Variants in STK31 observed in about 807,000 individuals in gnomAD.
STK31 encodes the protein serine/threonine-protein kinase 31.
Under a neutral mutation model 129.7 loss-of-function variants are expected in STK31, and 89 were observed. The ratio of observed to expected loss-of-function variants is 0.69; its 90% confidence interval spans 0.58 to 0.82. The LOEUF is 0.82. Among genes scored for constraint, STK31 ranks in the 40% least tolerant of loss-of-function variants. The probability of loss-of-function intolerance (pLI) is 0.00; values close to 1 mark genes in which losing one functional copy is unlikely to be tolerated. For synonymous variants in STK31, 448 were observed against 395.3 expected (o/e 1.13, Z -1.58); for missense variants, 1,187 against 1,176.4 (o/e 1.01, Z -0.13).
At chr7:23,771,647 C>CATTAACATTA (rs1790202646) in intron 14 of STK31, 3 of 152,976 alleles carry the variant, frequency 2.0e-5, no homozygotes, top group Middle Eastern at 3.4e-3. Context: ...ATTAACCTTT[C>CATTAACATTA]ATGTGTGTTG....
At chr7:23,738,576 T>C (rs927347477) in intron 8 of STK31, among the ~76,000 whole-genome samples, 1 of 152,062 alleles carries the variant, frequency 6.6e-6, no homozygotes, top group Non-Finnish European at 1.5e-5. Context: ...CTTTTCTTTT[T>C]TTTTTTAAAC....
At chr7:23,807,437 T>C (rs1292623186) in intron 22 of STK31, among the ~76,000 whole-genome samples, 1 of 152,202 alleles carries the variant, frequency 6.6e-6, no homozygotes, top group African/African-American at 2.4e-5. Context: ...ATTTCCTTTA[T>C]AGGTAATATT....
At position 23,735,823 on chromosome 7, in the gene STK31, G is replaced by C; in HGVS notation, c.769G>C (p.Gly257Arg). Residue 257 changes from glycine to arginine, a missense_variant, in exon 7 of 24, where the codon GGG becomes CGG. Gly to Arg is a moderately radical substitution (Grantham distance 125). Coordinates refer to ENST00000355870, the MANE Select transcript of STK31 (RefSeq NM_031414.5). ...CCAGTCAACCTTCAGCAGGCCCAAG[G>C]GGCACTTAAGTGAGAAAATGACTCT... Reference protein sequence around the residue: ...SNQSTFSRPKGHLSEKMTLDL... With the variant: ...SNQSTFSRPKRHLSEKMTLDL... 1.2e-6 allele frequency: 2 copies of C among 1,611,920 alleles called. No individual in the cohort carries two copies. Among genetic ancestry groups the C allele is most frequent in the South Asian group, 1.1e-5 (1 of 90,760 alleles).
chr7:23,749,083 A>G (rs1233258366), intron 8 of STK31, among the ~76,000 whole-genome samples: 1 of 152,204 alleles, frequency 6.6e-6, no homozygotes, highest in Non-Finnish European at 1.5e-5. Context: ...GATTTCCGTT[A>G]CAGTGTTTTG....
At chr7:23,787,527 A>T (rs1791356407) in intron 20 of STK31, among the ~76,000 whole-genome samples, 1 of 152,092 alleles carries the variant, frequency 6.6e-6, no homozygotes, top group Admixed American at 6.6e-5. Flanking sequence ...CCTGAGCTCC[A>T]CTTCCTGTAA....
chr7:23,730,166 A>G (rs1375860744), intron 6 of STK31, among the ~76,000 whole-genome samples: 1 of 152,228 alleles, frequency 6.6e-6, no homozygotes, highest in Non-Finnish European at 1.5e-5. Flanking sequence ...TCTTTTGGTA[A>G]ATGGTAATGC....
In STK31 at chr7:23,769,561, C is replaced by T; in HGVS notation, c.1597-79C>T. 3.1e-6 allele frequency: 3 copies of T among 983,042 alleles called. 1 individual carries two copies. The highest frequency in any genetic ancestry group is 3.1e-5 in the South Asian group (2 of 64,560). The allele number at this position is 983,042 out of a possible 1,614,324, so 60.9% of individuals were successfully genotyped here. A position where few individuals can be genotyped will look rare whatever the true frequency, so the allele number is the denominator to read the frequency against. ...ACATTGCCCAGGGTATAGCTTAATA[C>T]TCTGCTTCAGGTATTAAGGCACGAT... On this transcript the variant is annotated intron_variant, in intron 12 of 23. Transcript: ENST00000355870.
chr7:23,758,961 T>C (rs190327929), intron 10 of STK31, among the ~76,000 whole-genome samples: 3 of 151,990 alleles, frequency 2.0e-5, no homozygotes, highest in East Asian at 3.9e-4. Context: ...ACCAAACAAA[T>C]AGAAAGCAAA....
In STK31 at chr7:23,734,824, G is replaced by A. The variant is rs184593377; in HGVS notation, c.484-714G>A. Among the ~76,000 whole-genome samples, 105 of 152,246 alleles carry A rather than the reference G, an allele frequency of 6.9e-4. 2 individuals carry two copies. In the East Asian group the frequency reaches 8.9e-3, roughly 13 times the overall value. On this transcript the variant is annotated intron_variant, in intron 6 of 23. Transcript: ENST00000355870. ...TACTAAAAATAGAAAAATTAGGCAG[G>A]TGTGGTGGTGTGTGCCAGTAGTCCC...
At chr7:23,721,194 T>TC (rs1397320572) in intron 4 of STK31, 2 of 317,684 alleles carry the variant, frequency 6.3e-6, no homozygotes, top group Non-Finnish European at 1.2e-5. Flanking sequence ...TTTGCTTTTT[T>TC]CCACTATAAT....
At chr7:23,758,694 C>T (rs896717343) in intron 10 of STK31, among the ~76,000 whole-genome samples, 1 of 152,128 alleles carries the variant, frequency 6.6e-6, no homozygotes, top group African/African-American at 2.4e-5. Context: ...GGTTTCAAAG[C>T]ACTTCTTGAT....
intron 22 of STK31, among the ~76,000 whole-genome samples, chr7:23,797,047 G>A (rs558851433): frequency 3.3e-5 from 5 of 152,202 alleles, no homozygotes; most frequent in South Asian, 4.1e-4. Context: ...AGGGATCAAC[G>A]CAACAAGAAG....
chr7:23,737,833 C>T (rs1020686280), intron 8 of STK31, among the ~76,000 whole-genome samples: 3 of 151,194 alleles, frequency 2.0e-5, no homozygotes, highest in East Asian at 1.9e-4. Context: ...AGAAATTTTC[C>T]CCCCCAGGGA....
intron 11 of STK31, among the ~76,000 whole-genome samples, chr7:23,768,404 ATTG>A (rs1215622648): frequency 6.6e-6 from 1 of 152,190 alleles, no homozygotes; most frequent in Non-Finnish European, 1.5e-5. Flanking sequence ...GTGATGCATG[ATTG>A]TCCATATATA....
At chr7:23,810,105 A>G (rs957665900) in intron 22 of STK31, among the ~76,000 whole-genome samples, 3 of 152,032 alleles carry the variant, frequency 2.0e-5, no homozygotes, top group Non-Finnish European at 4.4e-5. Context: ...CATATTTAGG[A>G]TTGTTATGTC....
chr7:23,774,589 AG>A (rs1178876622), intron 15 of STK31, among the ~76,000 whole-genome samples: 3 of 152,192 alleles, frequency 2.0e-5, no homozygotes, highest in Non-Finnish European at 2.9e-5. Flanking sequence ...TCTTTTGAGA[AG>A]TGTCTGTTCA....
intron 22 of STK31, among the ~76,000 whole-genome samples, chr7:23,793,842 A>G (rs1420089649): frequency 6.6e-6 from 1 of 152,240 alleles, no homozygotes; most frequent in African/African-American, 2.4e-5. Context: ...AAGGTTGAAC[A>G]TATTCCTACC....
chr7:23,769,371 G>A (rs780535997), intron 12 of STK31, among the ~76,000 whole-genome samples, 197 bp downstream of exon 12: 3 of 150,166 alleles, frequency 2.0e-5, no homozygotes, highest in Non-Finnish European at 3.0e-5. Flanking sequence ...AAATCATATC[G>A]GTCTTGTTCC....
At chr7:23,737,340 C>G (rs2128081516) in intron 8 of STK31, among the ~76,000 whole-genome samples, 2 of 152,238 alleles carry the variant, frequency 1.3e-5, no homozygotes, top group African/African-American at 4.8e-5. Context: ...AGGCAATTTT[C>G]AAACATTCTA....
Sources: gnomAD v4.1 joint callset for allele counts (sites outside exome capture counted in the v4.1 genomes callset) on GRCh38, gnomAD v4.1.1 for gene constraint, MANE v1.5 for transcripts, NCBI Gene and HGNC (gene_info 2026-07-23, HGNC 2026-07-21) for gene names.